The following ATXN10 variants were observed in gnomAD, a reference collection of about 807,000 sequenced individuals.
ATXN10 encodes ataxin 10.
Under a neutral mutation model 52.9 loss-of-function variants are expected in ATXN10, and 28 were observed. The observed-to-expected ratio is 0.53, with a 90% CI of 0.39 to 0.73. ATXN10 has a LOEUF of 0.73. ATXN10 is among the 30% of genes least tolerant of loss of function. The pLI is 0.00. For synonymous variants in ATXN10, 226 were observed against 221.5 expected (o/e 1.02, Z -0.18); for missense variants, 565 against 577.0 (o/e 0.98, Z 0.21).
intron 10 of ATXN10, among the ~76,000 whole-genome samples, chr22:45,815,978 G>A (rs960207193): frequency 5.9e-5 from 9 of 152,154 alleles, no homozygotes; most frequent in Non-Finnish European, 8.8e-5. Flanking sequence ...GGCCAGGCGC[G>A]GTGGCTCCTG....
intron 8 of ATXN10, among the ~76,000 whole-genome samples, chr22:45,739,534 A>G (rs1925428290): frequency 6.6e-6 from 1 of 152,258 alleles, no homozygotes; most frequent in Non-Finnish European, 1.5e-5. Context: ...AGAATTCCTC[A>G]TCAGTGTTGT....
Position 45,837,405 on chromosome 22 carries a change from C to T in ATXN10, c.1238-5586C>T, listed in dbSNP as rs147783240. ...CCTCCCGAGTAGCTGGGACTGCAGG[C>T]GGCTCACCAGCACGCCCAGCTGATT... On this transcript the variant is annotated intron_variant, in intron 10 of 11. Coordinates refer to ENST00000252934, the MANE Select transcript of ATXN10 (RefSeq NM_013236.4). The surrounding 1 kb of genome is among the most constrained non-coding windows in gnomAD (Gnocchi z 5.8). Among the ~76,000 whole-genome samples, 40 of 152,200 alleles carry T rather than the reference C, an allele frequency of 2.6e-4. 1 individual carries two copies. Among genetic ancestry groups the T allele is most frequent in the African/African-American group, 9.4e-4 (39 of 41,522 alleles).
intron 8 of ATXN10, among the ~76,000 whole-genome samples, chr22:45,739,440 C>CCAG (rs1925424459): frequency 6.6e-6 from 1 of 152,184 alleles, no homozygotes; most frequent in Non-Finnish European, 1.5e-5. Context: ...ATGATACTTA[C>CCAG]TCTGGAGACC....
rs1970604544 is a variant in ATXN10, at chr22:45,842,252, G to T, written c.1238-739G>T. On this transcript the variant is annotated intron_variant, in intron 10 of 11. Transcript: ENST00000252934. The surrounding 1 kb of genome is among the most constrained non-coding windows in gnomAD (Gnocchi z 4.8). ...TTGCATGAGGTTTACATGGCTCTTG[G>T]TGATTAAATCAAATGCCCTACTCAG... Among the ~76,000 whole-genome samples, 1 of 152,138 alleles carries T rather than the reference G, an allele frequency of 6.6e-6. No homozygotes were observed. The highest frequency in any genetic ancestry group is 1.5e-5 in the Non-Finnish European group (1 of 68,028).
intron 10 of ATXN10, among the ~76,000 whole-genome samples, chr22:45,839,067 A>G (rs8140018): frequency 0.013 from 1,916 of 152,328 alleles, 49 homozygotes; most frequent in African/African-American, 0.044. Flanking sequence ...GGAAGGAAAG[A>G]TGAATTTCAC....
At position 45,718,525 on chromosome 22, in the gene ATXN10, T is replaced by G. The variant is rs1314050333; in HGVS notation, c.728+32T>G. 6.4e-7 allele frequency: 1 copy of G among 1,567,392 alleles called. No homozygotes were observed. The highest frequency in any genetic ancestry group is 1.7e-5 in the Admixed American group (1 of 59,864). On this transcript the variant is annotated intron_variant, in intron 6 of 11. Coordinates refer to ENST00000252934, the MANE Select transcript of ATXN10 (RefSeq NM_013236.4). This position sits in a 1 kb window ranked among gnomAD's most constrained non-coding sequence, Gnocchi z 4.4. ...CCCCAACCAGCGTGGTCTGGAGTATTTAGCATTCCATATAGGGTATTCGAT... is the reference window on the plus strand; with the variant it reads ...CCCCAACCAGCGTGGTCTGGAGTATGTAGCATTCCATATAGGGTATTCGAT...
intron 7 of ATXN10, among the ~76,000 whole-genome samples, chr22:45,737,157 G>C (rs1387379054): frequency 6.6e-6 from 1 of 152,178 alleles, no homozygotes; most frequent in Non-Finnish European, 1.5e-5. Flanking sequence ...TTTTCAGTCC[G>C]TTACCGTTGT....
rs914902254 is a variant in ATXN10 at position 45,724,333 on chromosome 22, G to GT, written c.729-5084dup. On this transcript the variant is annotated intron_variant, in intron 6 of 11. Transcript: ENST00000252934. ...CACTACATCCATGGCAACATCTGTT[G>GT]TTTTTTTTGACTTTTTAATAATGGC... 1.8e-4 allele frequency among the ~76,000 whole-genome samples: 27 copies of GT among 151,640 alleles called. No individual in the cohort carries two copies. The East Asian group carries it at 2.1e-3, about 12-fold the overall frequency.
At chr22:45,814,922 T>G (rs567996174) in intron 10 of ATXN10, among the ~76,000 whole-genome samples, 2 of 152,288 alleles carry the variant, frequency 1.3e-5, no homozygotes, top group South Asian at 4.1e-4. Flanking sequence ...TGATTTGAGG[T>G]GGAACAGTTT....
At chr22:45,813,935 A>T (rs1928372087) in intron 10 of ATXN10, among the ~76,000 whole-genome samples, 1 of 152,236 alleles carries the variant, frequency 6.6e-6, no homozygotes, top group Admixed American at 6.5e-5. Flanking sequence ...CAGTCAACAA[A>T]GGCCTCACTG....
At chr22:45,738,884 G>A (rs749086441) in intron 8 of ATXN10, 45 bp downstream of exon 8, 1 of 1,483,080 alleles carries the variant, frequency 6.7e-7, no homozygotes, top group African/African-American at 1.4e-5. Context: ...AGAAATCTTT[G>A]GCTTGTCATA....
rs1239400906 is a variant in ATXN10 at position 45,844,663 on chromosome 22, A to G, written c.*992A>G. 1 of 152,230 alleles carries G rather than the reference A, an allele frequency of 6.6e-6. No individual in the cohort carries two copies. The highest frequency in any genetic ancestry group is 1.5e-5 in the Non-Finnish European group (1 of 68,042). The allele number at this position is 152,230 out of a possible 1,614,324, so 9.4% of individuals were successfully genotyped here. A position where few individuals can be genotyped will look rare whatever the true frequency, so the allele number is the denominator to read the frequency against. ...TGAACTCACTGAATCCAGATCATTC[A>G]TATCATCAACAAAAGCTCTAGGGGG... On this transcript the variant is annotated 3_prime_UTR_variant, in exon 12 of 12. Transcript: ENST00000252934.
intron 9 of ATXN10, among the ~76,000 whole-genome samples, chr22:45,800,759 A>T (rs746272233): frequency 6.6e-6 from 1 of 152,238 alleles, no homozygotes; most frequent in African/African-American, 2.4e-5. Flanking sequence ...ACAAAAATCA[A>T]TGATACATGT....
chr22:45,740,715 CACACAT>C lies in ATXN10; in HGVS notation c.1173+179_1173+184del, dbSNP rs1569044467. On this transcript the variant is annotated intron_variant, in intron 9 of 11. Coordinates refer to ENST00000252934, the MANE Select transcript of ATXN10 (RefSeq NM_013236.4). Reference sequence around the variant, plus strand: ...ACACACACACACACACACACACACACACACATATATATACACACACACACGTGTGTG... The same window carrying C: ...ACACACACACACACACACACACACACATATATACACACACACACGTGTGTG... The C allele has an allele frequency of 4.6e-5, 12 of 259,928 alleles. No individual in the cohort carries two copies. The East Asian group carries it at 5.7e-4, about 12-fold the overall frequency. The allele number at this position is 259,928 out of a possible 1,614,324, so 16.1% of individuals were successfully genotyped here.
chr22:45,714,528 A>G (rs1045992704), intron 5 of ATXN10, among the ~76,000 whole-genome samples: 1 of 151,806 alleles, frequency 6.6e-6, no homozygotes, highest in Non-Finnish European at 1.5e-5. Flanking sequence ...TCGCAGGTGC[A>G]TACCACCGCA....
intron 10 of ATXN10, among the ~76,000 whole-genome samples, chr22:45,815,816 C>T (rs889411316): frequency 2.0e-5 from 3 of 152,170 alleles, no homozygotes; most frequent in African/African-American, 7.2e-5. Flanking sequence ...CCACACAGGT[C>T]CTTCATCCAT....
chr22:45,755,710 T>C (rs1926149571), intron 9 of ATXN10, among the ~76,000 whole-genome samples: 1 of 152,200 alleles, frequency 6.6e-6, no homozygotes, highest in Non-Finnish European at 1.5e-5. Context: ...AAGTAAACTG[T>C]TTCCAAAATG....
intron 9 of ATXN10, among the ~76,000 whole-genome samples, chr22:45,751,763 A>AAAAAAAAAAAAAAAAAAAATAATAAT: frequency 1.2e-4 from 8 of 66,622 alleles, no homozygotes; most frequent in Non-Finnish European, 2.1e-4. Flanking sequence ...AATAAAAAAA[A>AAAAAAAAAAAAAAAAAAAATAATAAT]AATAATAATA....
At position 45,843,580 on chromosome 22, in the gene ATXN10, C is replaced by G; in HGVS notation, c.1426-89C>G. On this transcript the variant is annotated intron_variant, in intron 11 of 11. Coordinates refer to ENST00000252934, the MANE Select transcript of ATXN10 (RefSeq NM_013236.4). This position sits in a 1 kb window ranked among gnomAD's most constrained non-coding sequence, Gnocchi z 4.5. ...CTCTAAGTTATTTGTCACCACTGAC[C>G]AAAGTTCTGGGTTTTTTCCCCTTTT... is the stretch of plus-strand genomic sequence containing the variant. 2 of 1,282,902 alleles carry G rather than the reference C, an allele frequency of 1.6e-6. No individual in the cohort carries two copies. Among genetic ancestry groups the G allele is most frequent in the African/African-American group, 1.5e-5 (1 of 68,718 alleles). The allele number at this position is 1,282,902 out of a possible 1,614,324, so 79.5% of individuals were successfully genotyped here.
Sources: gnomAD v4.1 joint callset for allele counts (sites outside exome capture counted in the v4.1 genomes callset) on GRCh38, gnomAD v4.1.1 for gene constraint, Gnocchi (gnomAD v3.1) non-coding constraint, MANE v1.5 for transcripts, NCBI Gene and HGNC (gene_info 2026-07-23, HGNC 2026-07-21) for gene names.